The following ZNF219 variants were observed in gnomAD, a reference collection of about 807,000 sequenced individuals.
The protein encoded by ZNF219 is zinc finger protein 219.
ZNF219 carries 17 observed loss-of-function variants against 54.4 expected under a neutral mutation model. The observed-to-expected ratio is 0.31, with a 90% confidence interval of 0.21 to 0.47. The LOEUF (loss-of-function observed/expected upper bound fraction) is 0.47. ZNF219 is among the 20% of genes least tolerant of loss of function. The pLI is 1.00. For synonymous variants in ZNF219, 518 were observed against 476.4 expected, an observed-to-expected ratio of 1.09 and a Z score of -1.14; for missense variants, 1,014 against 1,062.3, an observed-to-expected ratio of 0.95 and a Z score of 0.63.
At chr14:21,094,091 C>T (rs1357174795) in intron 1 of ZNF219, among the ~76,000 whole-genome samples, 1 of 152,186 alleles carries the variant, frequency 6.6e-6, no homozygotes, top group Non-Finnish European at 1.5e-5. Flanking sequence ...AGCAGCCAGC[C>T]AAACATCCTT....
Position 21,092,005 on chromosome 14 carries a change from T to A in ZNF219, c.1292A>T (p.Glu431Val), listed in dbSNP as rs780975907. The change falls in exon 3 of 5, where the codon GAG becomes GTG. Residue 431 changes from glutamate to valine, a missense_variant. Glu to Val is a moderately radical substitution (Grantham distance 121, BLOSUM62 -2). Transcript: ENST00000360947. ...GGTTTCCTCCTCGGCCTCCACCACC[T>A]CCTCTTCTTCCTCAGGCTCCTCCGC... ...HRAEEPEEEE[E>V]VVEAEEETWA... The A allele has an allele frequency of 6.4e-6, 10 of 1,555,072 alleles. No individual in the cohort carries two copies. The Admixed American group carries it at 7.8e-5, about 12-fold the overall frequency.
At position 21,093,395 on chromosome 14, in the gene ZNF219, G is replaced by A. The variant is rs917781175; in HGVS notation, c.7-105C>T. On this transcript the variant is annotated intron_variant, in intron 2 of 4. Transcript: ENST00000360947. ...AGGACAACACGAGGGAAGGTGGGCT[G>A]GGGCCTGAACTAGGAACACAGGGTG... 20 of 1,488,650 alleles carry A rather than the reference G, an allele frequency of 1.3e-5. No individual in the cohort carries two copies. In the African/African-American group the frequency reaches 2.2e-4, roughly 17 times the overall value. The allele number at this position is 1,488,650 out of a possible 1,614,324, so 92.2% of individuals were successfully genotyped here.
At position 21,090,168 on chromosome 14, in the gene ZNF219, CT is replaced by C; in HGVS notation, c.*367del. 1.9e-6 allele frequency: 1 copy of C among 513,668 alleles called. No individual in the cohort carries two copies. The highest frequency in any genetic ancestry group is 3.8e-6 in the Non-Finnish European group (1 of 265,018). The allele number at this position is 513,668 out of a possible 1,614,324, so 31.8% of individuals were successfully genotyped here. A position where few individuals can be genotyped will look rare whatever the true frequency, so the allele number is the denominator to read the frequency against. ...AAAAATAGCGACGTCTACAGGGCCC[CT>C]GATGGGGCTAGAAGGGTACAGTGCC... On this transcript the variant is annotated 3_prime_UTR_variant, in exon 5 of 5. Transcript: ENST00000360947. The surrounding 1 kb of genome is among the most constrained non-coding windows in gnomAD (Gnocchi z 4.4).
At position 21,090,551 on chromosome 14, in the gene ZNF219, C is replaced by A; in HGVS notation, c.2154G>T (p.Gly718=). Residue 718 remains glycine, a synonymous_variant, in exon 5 of 5, where the codon GGG becomes GGT. Transcript: ENST00000360947. The surrounding 1 kb of genome is among the most constrained non-coding windows in gnomAD (Gnocchi z 4.4). The part of the protein sequence containing the change: ...GLSRPGEAGL[G]GQER Reference sequence around the variant, plus strand: ...TGAGGGCCCACTACCGTTCTTGCCCCCCCAGCCCTGCCTCTCCGGGTCTGG... The same window carrying A: ...TGAGGGCCCACTACCGTTCTTGCCCACCCAGCCCTGCCTCTCCGGGTCTGG... The A allele has an allele frequency of 6.3e-7, 1 of 1,598,650 alleles. No individual in the cohort carries two copies. Among genetic ancestry groups the A allele is most frequent in the Non-Finnish European group, 8.5e-7 (1 of 1,169,984 alleles).
At position 21,091,470 on chromosome 14, in the gene ZNF219, A is replaced by G. The variant is rs756243267; in HGVS notation, c.1505T>C (p.Phe502Ser). 9.9e-6 allele frequency: 16 copies of G among 1,610,222 alleles called. No homozygotes were observed. The highest frequency in any genetic ancestry group is 2.7e-5 in the African/African-American group (2 of 74,898). The stretch of plus-strand genomic sequence containing the variant: ...TGCTGAGCGGAAAGATTTTCCGCAG[A>G]AAGGACAATCCTTGCCGGTGGCGCC... Reference protein sequence around the residue: ...GRGATGKDCPFCGKSFRSAHH... With the variant: ...GRGATGKDCPSCGKSFRSAHH... The change falls in exon 4 of 5, where the codon TTC becomes TCC. Residue 502 changes from phenylalanine (F) to serine (S), a missense_variant. Transcript: ENST00000360947.
At chr14:21,093,738 C>T in intron 1 of ZNF219, 64 bp from the exon 2 acceptor site, 1 of 1,437,318 alleles carries the variant, frequency 7.0e-7, no homozygotes, top group South Asian at 1.2e-5. Flanking sequence ...AAGTCACTCC[C>T]TACCCCCAGA....
At chr14:21,101,166 A>G, upstream of ZNF219, 1 of 551,910 alleles carries the variant, frequency 1.8e-6, no homozygotes. Context: ...ATCCCTTTGG[A>G]GTAGCTGCTT....
upstream of ZNF219, chr14:21,098,898 C>T: frequency 7.9e-7 from 1 of 1,267,722 alleles, no homozygotes; most frequent in Non-Finnish European, 1.0e-6. Flanking sequence ...CAAAGCCTCT[C>T]CCTTACAATT....
chr14:21,094,426 G>A (rs1376121911), intron 1 of ZNF219: 1 of 455,880 alleles, frequency 2.2e-6, no homozygotes, highest in Admixed American at 2.3e-5. Context: ...AAACCTTGGA[G>A]CCTGCAGTAT....
chr14:21,091,906 G>C lies in ZNF219; in HGVS notation c.1391C>G (p.Ala464Gly). The C allele has an allele frequency of 6.3e-7, 1 of 1,590,484 alleles. No individual in the cohort carries two copies. Among genetic ancestry groups the C allele is most frequent in the Non-Finnish European group, 8.5e-7 (1 of 1,170,592 alleles). Residue 464 changes from alanine (A) to glycine (G), a missense_variant, in exon 3 of 5, where the codon GCC becomes GGC. Physicochemically the swap from Ala to Gly is moderately conservative, Grantham distance 60 (BLOSUM62 0). Coordinates refer to ENST00000360947, the MANE Select transcript of ZNF219 (RefSeq NM_016423.3). ...PRPGEGPGHS[A>G]SAAGAQARST... ...TCTTGCCTGGGCCCCAGCAGCAGAG[G>C]CAGAGTGCCCCGGTCCCTCACCCGG...
chr14:21,096,215 C>T (rs1009382341), intron 1 of ZNF219, among the ~76,000 whole-genome samples: 2 of 152,182 alleles, frequency 1.3e-5, no homozygotes, highest in African/African-American at 4.8e-5. Flanking sequence ...AGCTTCCTAT[C>T]CCAAAACAAA....
At chr14:21,093,914 C>G in intron 1 of ZNF219, 1 of 463,544 alleles carries the variant, frequency 2.2e-6, no homozygotes, top group Non-Finnish European at 4.0e-6. Flanking sequence ...AATGCATGGT[C>G]CAGAACAACC....
Position 21,098,430 on chromosome 14 carries a change from C to A in ZNF219, c.-202G>T, listed in dbSNP as rs1306668957. 1.9e-5 allele frequency: 12 copies of A among 622,844 alleles called. No individual in the cohort carries two copies. Among genetic ancestry groups the A allele is most frequent in the Non-Finnish European group, 2.2e-5 (11 of 503,816 alleles). 38.6% of individuals were successfully genotyped at this position (622,844 alleles called of 1,614,324 possible). ...CGGGGGAGATGCGCCGGGCCCCGGC[C>A]CCCCCGCCCCCGGCCCGGCCCCCGC... On this transcript the variant is annotated 5_prime_UTR_variant, in exon 1 of 5. Transcript: ENST00000360947.
chr14:21,090,389 C>A lies in ZNF219; in HGVS notation c.*147G>T. On this transcript the variant is annotated 3_prime_UTR_variant, in exon 5 of 5. Transcript: ENST00000360947. The surrounding 1 kb of genome is among the most constrained non-coding windows in gnomAD (Gnocchi z 4.4). ...TGGGTACCGCCAGCCCACCCTCCTA[C>A]GCCCGCCGCGCCTTCCACCTCTGGT... 1 of 1,128,228 alleles carries A rather than the reference C, an allele frequency of 8.9e-7. No individual in the cohort carries two copies. The highest frequency in any genetic ancestry group is 1.2e-6 in the Non-Finnish European group (1 of 803,510). The allele number at this position is 1,128,228 out of a possible 1,614,324, so 69.9% of individuals were successfully genotyped here.
chr14:21,090,484 T>C lies in ZNF219; in HGVS notation c.*52A>G. On this transcript the variant is annotated 3_prime_UTR_variant, in exon 5 of 5. Coordinates refer to ENST00000360947, the MANE Select transcript of ZNF219 (RefSeq NM_016423.3). The surrounding 1 kb of genome is among the most constrained non-coding windows in gnomAD (Gnocchi z 4.4). ...TTCTCTACCCAACTACCTCTAGCGC[T>C]CCCCCGCTCCGGCGGGGTAAGCTCA... 1 of 1,532,406 alleles carries C rather than the reference T, an allele frequency of 6.5e-7. No homozygotes were observed. Among genetic ancestry groups the C allele is most frequent in the Non-Finnish European group, 8.8e-7 (1 of 1,137,540 alleles). The allele number at this position is 1,532,406 out of a possible 1,614,324, so 94.9% of individuals were successfully genotyped here.
chr14:21,100,055 G>A (rs925373943), upstream of ZNF219, among the ~76,000 whole-genome samples: 3 of 152,232 alleles, frequency 2.0e-5, no homozygotes, highest in East Asian at 1.9e-4. Flanking sequence ...ACTGAGGTGC[G>A]AATAGGTAGA....
At position 21,098,478 on chromosome 14, in the gene ZNF219, C is replaced by A. The variant is rs1889438855; in HGVS notation, c.-250G>T. 27 of 978,962 alleles carry A rather than the reference C, an allele frequency of 2.8e-5. No homozygotes were observed. Among genetic ancestry groups the A allele is most frequent in the Non-Finnish European group, 3.3e-5 (27 of 825,986 alleles). The allele number at this position is 978,962 out of a possible 1,614,324, so 60.6% of individuals were successfully genotyped here. A position where few individuals can be genotyped will look rare whatever the true frequency, so the allele number is the denominator to read the frequency against. The stretch of plus-strand genomic sequence containing the variant: ...CGCCCCCTCCCCGGTCCCCCGCCCC[C>A]GGCCCTGGCCCGCATTGTGTGCGGC... On this transcript the variant is annotated 5_prime_UTR_variant, in exon 1 of 5. Transcript: ENST00000360947.
rs745311892 is a variant in ZNF219 at position 21,091,897 on chromosome 14, G to A, written c.1400C>T (p.Ala467Val). The change falls in exon 3 of 5, where the codon GCT (alanine) becomes GTT (valine). Residue 467 changes from alanine (A) to valine (V), a missense_variant. This residue lies in a region of ZNF219 where 272 missense variants were observed against 248.9 expected (regional missense o/e 1.09). Transcript: ENST00000360947. ...GEGPGHSASA[A>V]GAQARSTATQ... Reference sequence around the variant, plus strand: ...GGCGGTCGATCTTGCCTGGGCCCCAGCAGCAGAGGCAGAGTGCCCCGGTCC... The same window carrying A: ...GGCGGTCGATCTTGCCTGGGCCCCAACAGCAGAGGCAGAGTGCCCCGGTCC... The A allele has an allele frequency of 2.3e-5, 37 of 1,582,812 alleles. No individual in the cohort carries two copies. In the South Asian group the frequency reaches 3.2e-4, roughly 14 times the overall value.
chr14:21,103,275 C>G, upstream of ZNF219: 1 of 1,547,296 alleles, frequency 6.5e-7, no homozygotes, highest in East Asian at 2.4e-5. Context: ...GCTCTCCAGA[C>G]ATTCCTGCAT....
Sources: allele counts gnomAD v4.1 joint callset (sites outside exome capture counted in the v4.1 genomes callset), GRCh38; gene constraint gnomAD v4.1.1; regional missense constraint gnomAD v4.1.1; non-coding constraint Gnocchi (gnomAD v3.1); transcripts MANE v1.5; gene names NCBI Gene and HGNC (gene_info 2026-07-23, HGNC 2026-07-21).